Variants in EPM2AIP1 observed in about 807,000 individuals in gnomAD.
EPM2AIP1 encodes the protein EPM2A interacting protein 1.
Under a neutral mutation model 44.8 loss-of-function variants are expected in EPM2AIP1, and 23 were observed. The observed-to-expected ratio is 0.51, with a 90% CI of 0.37 to 0.73. The LOEUF (loss-of-function observed/expected upper bound fraction) is 0.73. Among genes scored for constraint, EPM2AIP1 ranks in the 30% least tolerant of loss-of-function variants. The pLI, the probability that EPM2AIP1 is intolerant of heterozygous loss-of-function variation, is 0.00. For synonymous variants in EPM2AIP1, 311 were observed against 284.3 expected, an observed-to-expected ratio of 1.09 and a Z score of -0.94; for missense variants, 652 against 743.9, an observed-to-expected ratio of 0.88 and a Z score of 1.44.
Position 36,986,847 on chromosome 3 carries a change from C to T in EPM2AIP1, c.*4407G>A, listed in dbSNP as rs1247629998. ...ACCAAATCACTGGATGACTATGACA[C>T]CTACTGTTAAGATCTCTGAATGACT... On this transcript the variant is annotated 3_prime_UTR_variant, in exon 1 of 1. Coordinates refer to ENST00000322716, the MANE Select transcript of EPM2AIP1 (RefSeq NM_014805.4). 1 of 150,436 alleles carries T rather than the reference C, an allele frequency of 6.6e-6. No homozygotes were observed. The highest frequency in any genetic ancestry group is 1.5e-5 in the Non-Finnish European group (1 of 67,832). 9.3% of individuals were successfully genotyped at this position (150,436 alleles called of 1,614,324 possible).
rs2080780919 is a variant in EPM2AIP1 at position 36,988,260 on chromosome 3, G to C, written c.*2994C>G. The C allele has an allele frequency of 6.6e-6, 1 of 152,214 alleles. No homozygotes were observed. 9.4% of individuals were successfully genotyped at this position (152,214 alleles called of 1,614,324 possible). ...AAACAGGGAGACTAATAAGGAGGCT[G>C]TTGCTATAATTTAGGTAGGTTGATG... On this transcript the variant is annotated 3_prime_UTR_variant, in exon 1 of 1. Transcript: ENST00000322716.
rs558088820 is a variant in EPM2AIP1 at position 36,992,974 on chromosome 3, T to A, written c.104A>T (p.Asp35Val). The A allele has an allele frequency of 2.5e-6, 4 of 1,612,912 alleles. No individual in the cohort carries two copies. The Admixed American group carries it at 6.7e-5, about 27-fold the overall frequency. The change falls in exon 1 of 1, where the codon GAT becomes GTT. Residue 35 changes from aspartate to valine, a missense_variant. Asp to Val is a radical substitution (Grantham distance 152). Transcript: ENST00000322716. The surrounding 1 kb of genome is among the most constrained non-coding windows in gnomAD (Gnocchi z 5.3). ...RYLVVEPPEG[D>V]GALCLVCRRL... is the part of the protein sequence containing the mutation. ...GCGACAGACCAGGCACAGGGCCCCATCGCCCTCCGGAGGCTCCACCACCAA... is the reference window on the plus strand; with the variant it reads ...GCGACAGACCAGGCACAGGGCCCCAACGCCCTCCGGAGGCTCCACCACCAA...
At position 36,990,626 on chromosome 3, in the gene EPM2AIP1, G is replaced by C. The variant is rs1253718121; in HGVS notation, c.*628C>G. On this transcript the variant is annotated 3_prime_UTR_variant, in exon 1 of 1. Coordinates refer to ENST00000322716, the MANE Select transcript of EPM2AIP1 (RefSeq NM_014805.4). ...TCTCCTATATCTGAAACTTAAAAAT[G>C]ATTCTAATGACTTCCTCTATCAGTA... The C allele has an allele frequency of 1.0e-6, 1 of 985,494 alleles. No homozygotes were observed. The highest frequency in any genetic ancestry group is 1.2e-6 in the Non-Finnish European group (1 of 829,734). The allele number at this position is 985,494 out of a possible 1,614,324, so 61.0% of individuals were successfully genotyped here.
In EPM2AIP1 at chr3:36,990,455, AAAAAG is replaced by A; in HGVS notation, c.*794_*798del. On this transcript the variant is annotated 3_prime_UTR_variant, in exon 1 of 1. Coordinates refer to ENST00000322716, the MANE Select transcript of EPM2AIP1 (RefSeq NM_014805.4). ...TTGTGTCTACAGTAAAAAAAAAAAA[AAAAAG>A]AATTACTAACTGGCAACCATTAAGA... 5.1e-6 allele frequency: 5 copies of A among 984,440 alleles called. No homozygotes were observed. The highest frequency in any genetic ancestry group is 2.4e-6 in the Non-Finnish European group (2 of 828,790). 61.0% of individuals were successfully genotyped at this position (984,440 alleles called of 1,614,324 possible).
At position 36,990,312 on chromosome 3, in the gene EPM2AIP1, GATT is replaced by G. The variant is rs1294166947; in HGVS notation, c.*939_*941del. The G allele has an allele frequency of 4.8e-5, 26 of 545,046 alleles. No individual in the cohort carries two copies. In the South Asian group the frequency reaches 2.0e-3, roughly 42 times the overall value. The allele number at this position is 545,046 out of a possible 1,614,324, so 33.8% of individuals were successfully genotyped here. A position where few individuals can be genotyped will look rare whatever the true frequency, so the allele number is the denominator to read the frequency against. ...AAAACAAAGTGTTTACTTTAGGCAG[GATT>G]TTTTAAAATAAAGCAGCAATACCCA... On this transcript the variant is annotated 3_prime_UTR_variant, in exon 1 of 1. Coordinates refer to ENST00000322716, the MANE Select transcript of EPM2AIP1 (RefSeq NM_014805.4).
chr3:36,991,236 A>G lies in EPM2AIP1; in HGVS notation c.*18T>C, dbSNP rs758758873. On this transcript the variant is annotated 3_prime_UTR_variant, in exon 1 of 1. Coordinates refer to ENST00000322716, the MANE Select transcript of EPM2AIP1 (RefSeq NM_014805.4). ...AATTAAATTCTTGTTGAGTTTTTCA[A>G]TCTTGTACTACAAAGCCTTATGGAT... 4 of 1,544,756 alleles carry G rather than the reference A, an allele frequency of 2.6e-6. No homozygotes were observed. The highest frequency in any genetic ancestry group is 4.2e-5 in the Admixed American group (2 of 47,526).
In EPM2AIP1 at chr3:36,987,308, A is replaced by C. The variant is rs1201250389; in HGVS notation, c.*3946T>G. ...CCTACAAAAGGAAAAATGATTATTA[A>C]CTCTTAGGCGGCATTATCTTTTTCC... On this transcript the variant is annotated 3_prime_UTR_variant, in exon 1 of 1. Transcript: ENST00000322716. The C allele has an allele frequency of 6.6e-6, 1 of 152,460 alleles. No individual in the cohort carries two copies. The highest frequency in any genetic ancestry group is 1.5e-5 in the Non-Finnish European group (1 of 67,994). The allele number at this position is 152,460 out of a possible 1,614,324, so 9.4% of individuals were successfully genotyped here. A position where few individuals can be genotyped will look rare whatever the true frequency, so the allele number is the denominator to read the frequency against.
At position 36,990,409 on chromosome 3, in the gene EPM2AIP1, T is replaced by C. The variant is rs1559495315; in HGVS notation, c.*845A>G. ...CCTGGAGTGCAATCTTTTTTCCTCA[T>C]CGTTTTTGATAGGGCCAAACTTGTG... On this transcript the variant is annotated 3_prime_UTR_variant, in exon 1 of 1. Coordinates refer to ENST00000322716, the MANE Select transcript of EPM2AIP1 (RefSeq NM_014805.4). 11 of 980,782 alleles carry C rather than the reference T, an allele frequency of 1.1e-5. No homozygotes were observed. Among genetic ancestry groups the C allele is most frequent in the Non-Finnish European group, 1.3e-5 (11 of 827,740 alleles). The allele number at this position is 980,782 out of a possible 1,614,324, so 60.8% of individuals were successfully genotyped here. A position where few individuals can be genotyped will look rare whatever the true frequency, so the allele number is the denominator to read the frequency against.
chr3:36,992,822 A>G lies in EPM2AIP1; in HGVS notation c.256T>C (p.Leu86=). ...TCAGGAGTGAAGGAGGCCACGGGCA[A>G]GTCGCCCTGACGCAGACGCTCCACC... The part of the protein sequence containing the change: ...ALVERLRQGD[L]PVASFTPEER... Residue 86 remains leucine, a synonymous_variant, in exon 1 of 1, where the codon TTG becomes CTG. Coordinates refer to ENST00000322716, the MANE Select transcript of EPM2AIP1 (RefSeq NM_014805.4). The surrounding 1 kb of genome is among the most constrained non-coding windows in gnomAD (Gnocchi z 5.3). 1 of 1,612,150 alleles carries G rather than the reference A, an allele frequency of 6.2e-7. No homozygotes were observed. Among genetic ancestry groups the G allele is most frequent in the African/African-American group, 1.3e-5 (1 of 75,046 alleles).
At position 36,992,882 on chromosome 3, in the gene EPM2AIP1, C is replaced by T. The variant is rs2080845730; in HGVS notation, c.196G>A (p.Glu66Lys). 2 of 1,611,684 alleles carry T rather than the reference C, an allele frequency of 1.2e-6. No individual in the cohort carries two copies. The highest frequency in any genetic ancestry group is 1.7e-6 in the Non-Finnish European group (2 of 1,179,750). ...RHYEAEHEYY[E>K]RYVADGERAA... ...CGCTCGCCGTCCGCCACATACCGCT[C>T]GTAGTATTCGTGCTCAGCCTCGTAG... is the stretch of plus-strand genomic sequence containing the variant. Residue 66 changes from glutamate to lysine, a missense_variant, in exon 1 of 1, where the codon GAG (glutamate) becomes AAG (lysine). Transcript: ENST00000322716. The surrounding 1 kb of genome is among the most constrained non-coding windows in gnomAD (Gnocchi z 5.3).
chr3:36,993,127 G>C lies in EPM2AIP1; in HGVS notation c.-50C>G, dbSNP rs767388173. 6.5e-6 allele frequency: 10 copies of C among 1,548,036 alleles called. No individual in the cohort carries two copies. The South Asian group carries it at 8.5e-5, about 13-fold the overall frequency. On this transcript the variant is annotated 5_prime_UTR_variant, in exon 1 of 1. Transcript: ENST00000322716. The stretch of plus-strand genomic sequence containing the variant: ...GCCAACGTTAGAAAGGCCGCAAGGG[G>C]AGAGGAGGAGCCTGAGAAGCGCCAA...
In EPM2AIP1 at chr3:36,992,325, C is replaced by T. The variant is rs1219818768; in HGVS notation, c.753G>A (p.Arg251=). 1.9e-6 allele frequency: 3 copies of T among 1,613,874 alleles called. No homozygotes were observed. The highest frequency in any genetic ancestry group is 2.5e-6 in the Non-Finnish European group (3 of 1,179,904). ...CGAGTCCTGAGTTCTCACCAATCATCCTCAAAGTATGGGTCGTGGTCAGTC... is the reference window on the plus strand; with the variant it reads ...CGAGTCCTGAGTTCTCACCAATCATTCTCAAAGTATGGGTCGTGGTCAGTC... The part of the protein sequence containing the change: ...MVGLTTTHTL[R]MIGENSGLVS... The change falls in exon 1 of 1, where the codon AGG becomes AGA. Residue 251 remains arginine (R), a synonymous_variant. Coordinates refer to ENST00000322716, the MANE Select transcript of EPM2AIP1 (RefSeq NM_014805.4). The surrounding 1 kb of genome is among the most constrained non-coding windows in gnomAD (Gnocchi z 5.3).
At position 36,988,599 on chromosome 3, in the gene EPM2AIP1, T is replaced by G. The variant is rs1394004263; in HGVS notation, c.*2655A>C. 1 of 152,136 alleles carries G rather than the reference T, an allele frequency of 6.6e-6. No homozygotes were observed. The highest frequency in any genetic ancestry group is 1.5e-5 in the Non-Finnish European group (1 of 68,008). 9.4% of individuals were successfully genotyped at this position (152,136 alleles called of 1,614,324 possible). ...AGTCTAAAACAAATTTTTTTAAAAATACGAAGAACAGATATTGAAGGGAAG... is the reference window on the plus strand; with the variant it reads ...AGTCTAAAACAAATTTTTTTAAAAAGACGAAGAACAGATATTGAAGGGAAG... On this transcript the variant is annotated 3_prime_UTR_variant, in exon 1 of 1. Transcript: ENST00000322716.
rs781512030 is a variant in EPM2AIP1 at position 36,991,251 on chromosome 3, G to A, written c.*3C>T. ...GAGTTTTTCAATCTTGTACTACAAA[G>A]CCTTATGGATTAGATTCATTTCTTT... On this transcript the variant is annotated 3_prime_UTR_variant, in exon 1 of 1. Coordinates refer to ENST00000322716, the MANE Select transcript of EPM2AIP1 (RefSeq NM_014805.4). The A allele has an allele frequency of 1.3e-6, 2 of 1,591,186 alleles. No individual in the cohort carries two copies. Among genetic ancestry groups the A allele is most frequent in the East Asian group, 4.5e-5 (2 of 44,538 alleles).
Position 36,988,983 on chromosome 3 carries a change from T to G in EPM2AIP1, c.*2271A>C, listed in dbSNP as rs1055946285. 2 of 137,992 alleles carry G rather than the reference T, an allele frequency of 1.4e-5. No homozygotes were observed. The highest frequency in any genetic ancestry group is 3.0e-5 in the Non-Finnish European group (2 of 66,924). 8.5% of individuals were successfully genotyped at this position (137,992 alleles called of 1,614,324 possible). ...AAAACAGTAAAATACACTTTTTTCT[T>G]TTTCTTTTTTTTTTTTTTTTTTTAC... On this transcript the variant is annotated 3_prime_UTR_variant, in exon 1 of 1. Coordinates refer to ENST00000322716, the MANE Select transcript of EPM2AIP1 (RefSeq NM_014805.4).
rs186696776 is a variant in EPM2AIP1 at position 36,988,393 on chromosome 3, T to C, written c.*2861A>G. 2.0e-5 allele frequency: 3 copies of C among 152,138 alleles called. No individual in the cohort carries two copies. The highest frequency in any genetic ancestry group is 1.9e-4 in the East Asian group (1 of 5,182). 9.4% of individuals were successfully genotyped at this position (152,138 alleles called of 1,614,324 possible). A position where few individuals can be genotyped will look rare whatever the true frequency, so the allele number is the denominator to read the frequency against. ...AGGAAACATGAGAGGAGGAGCAGGA[T>C]TGGGGGCAAGATCAATGACATGTAG... On this transcript the variant is annotated 3_prime_UTR_variant, in exon 1 of 1. Coordinates refer to ENST00000322716, the MANE Select transcript of EPM2AIP1 (RefSeq NM_014805.4).
In EPM2AIP1 at chr3:36,991,134, T is replaced by C; in HGVS notation, c.*120A>G. The C allele has an allele frequency of 1.4e-6, 2 of 1,432,148 alleles. No individual in the cohort carries two copies. The highest frequency in any genetic ancestry group is 3.4e-5 in the South Asian group (2 of 58,362). 88.7% of individuals were successfully genotyped at this position (1,432,148 alleles called of 1,614,324 possible). On this transcript the variant is annotated 3_prime_UTR_variant, in exon 1 of 1. Coordinates refer to ENST00000322716, the MANE Select transcript of EPM2AIP1 (RefSeq NM_014805.4). Reference sequence around the variant, plus strand: ...TGTCAGAATTTTAATTGTGATCAGTTTGGACGGCTGGTACTTGGTACTTTC... The same window carrying C: ...TGTCAGAATTTTAATTGTGATCAGTCTGGACGGCTGGTACTTGGTACTTTC...
chr3:36,990,423 G>A lies in EPM2AIP1; in HGVS notation c.*831C>T, dbSNP rs1242364521. The A allele has an allele frequency of 1.0e-6, 1 of 982,026 alleles. No homozygotes were observed. Among genetic ancestry groups the A allele is most frequent in the African/African-American group, 1.8e-5 (1 of 55,776 alleles). The allele number at this position is 982,026 out of a possible 1,614,324, so 60.8% of individuals were successfully genotyped here. A position where few individuals can be genotyped will look rare whatever the true frequency, so the allele number is the denominator to read the frequency against. ...TTTTTTCCTCATCGTTTTTGATAGG[G>A]CCAAACTTGTGTCTACAGTAAAAAA... On this transcript the variant is annotated 3_prime_UTR_variant, in exon 1 of 1. Coordinates refer to ENST00000322716, the MANE Select transcript of EPM2AIP1 (RefSeq NM_014805.4).
rs568111469 is a variant in EPM2AIP1, at chr3:36,990,587, C to T, written c.*667G>A. ...AACCCCCAATAATTAGTCTTATCTC[C>T]AAATTGCATGAAGTCTCCTATATCT... On this transcript the variant is annotated 3_prime_UTR_variant, in exon 1 of 1. Coordinates refer to ENST00000322716, the MANE Select transcript of EPM2AIP1 (RefSeq NM_014805.4). 1.0e-6 allele frequency: 1 copy of T among 985,328 alleles called. No homozygotes were observed. The highest frequency in any genetic ancestry group is 1.7e-5 in the African/African-American group (1 of 57,264). The allele number at this position is 985,328 out of a possible 1,614,324, so 61.0% of individuals were successfully genotyped here.
Sources: gnomAD v4.1 joint callset for allele counts on GRCh38, gnomAD v4.1.1 for gene constraint, Gnocchi (gnomAD v3.1) non-coding constraint, MANE v1.5 for transcripts, NCBI Gene and HGNC (gene_info 2026-07-23, HGNC 2026-07-21) for gene names.